Variants in BAIAP3 observed in about 807,000 individuals in gnomAD.
BAIAP3 encodes the protein BAI1-associated protein 3.
Under a neutral mutation model 149.7 loss-of-function variants are expected in BAIAP3, and 180 were observed. The ratio of observed to expected loss-of-function variants is 1.20; its 90% CI spans 1.07 to 1.36. The LOEUF (loss-of-function observed/expected upper bound fraction) is 1.36. BAIAP3 is among the 40% of genes most tolerant of loss of function. The probability of loss-of-function intolerance (pLI) is 0.00; values close to 1 mark genes in which losing one functional copy is unlikely to be tolerated. For synonymous variants in BAIAP3, 845 were observed against 670.7 expected, an observed-to-expected ratio of 1.26 and a Z score of -4.02; for missense variants, 1,767 against 1,563.4, an observed-to-expected ratio of 1.13 and a Z score of -2.20.
Position 1,346,876 on chromosome 16 carries a change from T to C in BAIAP3, c.2672T>C (p.Leu891Pro), listed in dbSNP as rs2034412431. ...CTGGAGGCCCTGTGGGAGCTACTCC[T>C]CCAGGCCATTCTGCAGGCGCTGGGT... ...RVLEALWELL[L>P]QAILQALGAN... is the part of the protein sequence containing the mutation. The change falls in exon 28 of 34, where the codon CTC (leucine) becomes CCC (proline). Residue 891 changes from leucine to proline, a missense_variant. By Grantham distance (98) the Leu-to-Pro change is moderately conservative. Coordinates refer to ENST00000426824, the MANE Select transcript of BAIAP3 (RefSeq NM_001199097.2). 2 of 1,608,500 alleles carry C rather than the reference T, an allele frequency of 1.2e-6. No homozygotes were observed. The highest frequency in any genetic ancestry group is 1.3e-5 in the African/African-American group (1 of 74,874).
chr16:1,342,444 G>A (rs2033990413), intron 11 of BAIAP3, 83 bp from the exon 12 acceptor site: 1 of 1,409,456 alleles, frequency 7.1e-7, no homozygotes, highest in South Asian at 1.3e-5. Context: ...CCCAGGCCAT[G>A]TGGTCTCTCC....
Position 1,344,294 on chromosome 16 carries a change from A to G in BAIAP3, c.1579A>G (p.Met527Val), listed in dbSNP as rs1055441801. The change falls in exon 17 of 34, where the codon ATG (methionine) becomes GTG (valine). Residue 527 changes from methionine (M) to valine (V), a missense_variant. Physicochemically the swap from Met to Val is conservative, Grantham distance 21. Transcript: ENST00000426824. ...EICPFESELN[M>V]DIAAALKRGN... ...CTGCCCCTTCGAGTCGGAGCTGAAC[A>G]TGGACATTGCTGCGGCCCTGAAGGT... 6.2e-6 allele frequency: 10 copies of G among 1,613,868 alleles called. No individual in the cohort carries two copies. The highest frequency in any genetic ancestry group is 7.6e-6 in the Non-Finnish European group (9 of 1,179,994).
chr16:1,334,486 G>A (rs1158821010), intron 1 of BAIAP3: 1 of 625,986 alleles, frequency 1.6e-6, no homozygotes, highest in Non-Finnish European at 2.8e-6. Context: ...TGAGCAGAGG[G>A]AGGAGGGAGC....
In BAIAP3 at chr16:1,342,147, C is replaced by T. The variant is rs143894144; in HGVS notation, c.855-34C>T. 2.5e-4 allele frequency: 390 copies of T among 1,577,534 alleles called. No individual in the cohort carries two copies. The African/African-American group carries it at 4.2e-3, about 17-fold the overall frequency. On this transcript the variant is annotated intron_variant, in intron 10 of 33. Coordinates refer to ENST00000426824, the MANE Select transcript of BAIAP3 (RefSeq NM_001199097.2). Reference sequence around the variant, plus strand: ...CGGCGGGCAGTGGCTCCCCAGGAGCCATCAGCGTGATGCTCACCACCTGTG... The same window carrying T: ...CGGCGGGCAGTGGCTCCCCAGGAGCTATCAGCGTGATGCTCACCACCTGTG...
At position 1,342,955 on chromosome 16, in the gene BAIAP3, G is replaced by A. The variant is rs375536188; in HGVS notation, c.1204G>A (p.Ala402Thr). 1.9e-6 allele frequency: 3 copies of A among 1,611,910 alleles called. No individual in the cohort carries two copies. The highest frequency in any genetic ancestry group is 2.5e-6 in the Non-Finnish European group (3 of 1,179,996). ...GCGAGGAGAGCTCAGCACACCAGCC[G>A]CCACCATCCTCTGCCTGCACGGAGC... Reference protein sequence around the residue: ...SWRGELSTPAATILCLHGAQS... With the variant: ...SWRGELSTPATTILCLHGAQS... Residue 402 changes from alanine to threonine, a missense_variant, in exon 14 of 34, where the codon GCC becomes ACC. Ala to Thr is a moderately conservative substitution (Grantham distance 58). Transcript: ENST00000426824.
Position 1,343,449 on chromosome 16 carries a change from T to G in BAIAP3, c.1322T>G (p.Leu441Arg). The change falls in exon 15 of 34, where the codon CTG becomes CGG. Residue 441 changes from leucine (L) to arginine (R), a missense_variant. Coordinates refer to ENST00000426824, the MANE Select transcript of BAIAP3 (RefSeq NM_001199097.2). Reference sequence around the variant, plus strand: ...ACCTGCACGCTGGACTACAGCTACCTGCTGGGGCTGCTGGAGGACATGCAG... The same window carrying G: ...ACCTGCACGCTGGACTACAGCTACCGGCTGGGGCTGCTGGAGGACATGCAG... ...HQTCTLDYSYLLGLLEDMQAH... is the reference protein window; with the variant it reads ...HQTCTLDYSYRLGLLEDMQAH... The G allele has an allele frequency of 6.3e-7, 1 of 1,591,296 alleles. No homozygotes were observed. Among genetic ancestry groups the G allele is most frequent in the South Asian group, 1.1e-5 (1 of 87,870 alleles).
chr16:1,343,562 G>A, intron 15 of BAIAP3, 49 bp downstream of exon 15: 1 of 1,595,748 alleles, frequency 6.3e-7, no homozygotes, highest in Non-Finnish European at 8.5e-7. Flanking sequence ...GGGAGTGCTG[G>A]GGACTGGGGT....
chr16:1,345,398 A>C, intron 22 of BAIAP3, 26 bp downstream of exon 22: 1 of 1,589,818 alleles, frequency 6.3e-7, no homozygotes, highest in Non-Finnish European at 8.6e-7. Context: ...GCCTGAGGAC[A>C]CTGGGGCTGG....
rs576308385 is a variant in BAIAP3, at chr16:1,343,877, G to A, written c.1387-145G>A. The A allele has an allele frequency of 1.6e-5, 21 of 1,296,030 alleles. No homozygotes were observed. The East Asian group carries it at 2.3e-4, about 14-fold the overall frequency. The allele number at this position is 1,296,030 out of a possible 1,614,324, so 80.3% of individuals were successfully genotyped here. On this transcript the variant is annotated intron_variant, in intron 15 of 33. Coordinates refer to ENST00000426824, the MANE Select transcript of BAIAP3 (RefSeq NM_001199097.2). The stretch of plus-strand genomic sequence containing the variant: ...TGGGACAGGCCGTCTGGGACAGGCC[G>A]ACTGGGCCTGTGGAGGGTGCTGCTC...
chr16:1,347,203 CCA>C, intron 28 of BAIAP3, 93 bp from the exon 29 acceptor site: 3 of 1,293,436 alleles, frequency 2.3e-6, no homozygotes, highest in Non-Finnish European at 3.2e-6. Flanking sequence ...TGCTGAGCCC[CCA>C]GTGCTGCCTG....
intron 24 of BAIAP3, 37 bp downstream of exon 24, chr16:1,346,115 T>TG: frequency 6.2e-7 from 1 of 1,603,764 alleles, no homozygotes; most frequent in South Asian, 1.1e-5. Flanking sequence ...CGGCAGGAGG[T>TG]GGGGGGCCAT....
At chr16:1,338,796 G>A in intron 2 of BAIAP3, 106 bp from the exon 3 acceptor site, 1 of 1,583,120 alleles carries the variant, frequency 6.3e-7, no homozygotes, top group Non-Finnish European at 8.6e-7. Flanking sequence ...GCAGTTAGCT[G>A]TGCCACACTG....
At position 1,339,562 on chromosome 16, in the gene BAIAP3, C is replaced by G. The variant is rs1423263865; in HGVS notation, c.367C>G (p.Gln123Glu). 6.2e-7 allele frequency: 1 copy of G among 1,612,568 alleles called. No individual in the cohort carries two copies. Among genetic ancestry groups the G allele is most frequent in the Non-Finnish European group, 8.5e-7 (1 of 1,179,828 alleles). ...CCGCGCGGGTACCATGGGCCCTGACCAGGTGGACGACGAGGAGGCCCTGCT... is the reference window on the plus strand; with the variant it reads ...CCGCGCGGGTACCATGGGCCCTGACGAGGTGGACGACGAGGAGGCCCTGCT... ...LYRAGTMGPD[Q>E]VDDEEALLSY... The change falls in exon 5 of 34, where the codon CAG (glutamine) becomes GAG (glutamate). Residue 123 changes from glutamine to glutamate, a missense_variant. Coordinates refer to ENST00000426824, the MANE Select transcript of BAIAP3 (RefSeq NM_001199097.2).
At position 1,342,941 on chromosome 16, in the gene BAIAP3, T is replaced by C. The variant is rs1423221472; in HGVS notation, c.1190T>C (p.Leu397Pro). 3 of 1,611,996 alleles carry C rather than the reference T, an allele frequency of 1.9e-6. No individual in the cohort carries two copies. Among genetic ancestry groups the C allele is most frequent in the Non-Finnish European group, 2.5e-6 (3 of 1,179,972 alleles). ...EPNSSSWRGE[L>P]STPAATILCL... Reference sequence around the variant, plus strand: ...AACTCCAGCAGCTGGCGAGGAGAGCTCAGCACACCAGCCGCCACCATCCTC... The same window carrying C: ...AACTCCAGCAGCTGGCGAGGAGAGCCCAGCACACCAGCCGCCACCATCCTC... The change falls in exon 14 of 34, where the codon CTC becomes CCC. Residue 397 changes from leucine to proline, a missense_variant. By Grantham distance (98) the Leu-to-Pro change is moderately conservative. Coordinates refer to ENST00000426824, the MANE Select transcript of BAIAP3 (RefSeq NM_001199097.2).
At chr16:1,334,008 G>A (rs922016179) in intron 1 of BAIAP3, among the ~76,000 whole-genome samples, 9 of 151,608 alleles carry the variant, frequency 5.9e-5, no homozygotes, top group Non-Finnish European at 7.4e-5. Context: ...TGCGGCGGTG[G>A]GGTCCGCACT....
In BAIAP3 at chr16:1,348,601, G is replaced by T; in HGVS notation, c.*119G>T. 1 of 1,004,612 alleles carries T rather than the reference G, an allele frequency of 1.0e-6. No individual in the cohort carries two copies. Among genetic ancestry groups the T allele is most frequent in the Non-Finnish European group, 1.5e-6 (1 of 671,546 alleles). The allele number at this position is 1,004,612 out of a possible 1,614,324, so 62.2% of individuals were successfully genotyped here. On this transcript the variant is annotated 3_prime_UTR_variant, in exon 34 of 34. Coordinates refer to ENST00000426824, the MANE Select transcript of BAIAP3 (RefSeq NM_001199097.2). Reference sequence around the variant, plus strand: ...CACGGCGCCCCTCCTGTGCTGTGACGTGTGTGTCGTGGCTGGCCCCGCGGC... The same window carrying T: ...CACGGCGCCCCTCCTGTGCTGTGACTTGTGTGTCGTGGCTGGCCCCGCGGC...
intron 1 of BAIAP3, among the ~76,000 whole-genome samples, chr16:1,335,463 G>A (rs984909262): frequency 3.9e-5 from 2 of 51,398 alleles, no homozygotes; most frequent in South Asian, 6.3e-4. Flanking sequence ...CGGGAAAGAC[G>A]GGGGGTCCCC....
intron 28 of BAIAP3, 171 bp from the exon 29 acceptor site, chr16:1,347,127 C>A: frequency 1.1e-6 from 1 of 889,068 alleles, no homozygotes; most frequent in Non-Finnish European, 1.7e-6. Flanking sequence ...TGGTGATGGC[C>A]TTTCCCCACG....
chr16:1,344,765 G>A (rs755091561), intron 19 of BAIAP3, 33 bp from the exon 20 acceptor site: 55 of 1,613,540 alleles, frequency 3.4e-5, no homozygotes, highest in South Asian at 5.5e-5. Context: ...CAGGTGGGGC[G>A]CAGGTGGATG....
Sources: allele counts gnomAD v4.1 joint callset (sites outside exome capture counted in the v4.1 genomes callset), GRCh38; gene constraint gnomAD v4.1.1; transcripts MANE v1.5; gene names NCBI Gene and HGNC (gene_info 2026-07-23, HGNC 2026-07-21).